CSMD3: variants seen among roughly 807,000 people sequenced by gnomAD.
CSMD3 encodes CUB and Sushi multiple domains 3, also known as CUB and sushi domain-containing protein 3.
Under a neutral mutation model 435.2 loss-of-function variants are expected in CSMD3, and 177 were observed. That is an observed-to-expected ratio of 0.41 (90% CI 0.36 to 0.46). The LOEUF is 0.46. CSMD3 is among the 20% of genes least tolerant of loss of function. The pLI, the probability that CSMD3 is intolerant of heterozygous loss-of-function variation, is 0.34. For missense variants in CSMD3, 4,265 were observed against 4,504.6 expected, an observed-to-expected ratio of 0.95 and a Z score of 1.52; for synonymous variants, 1,656 against 1,520.5, an observed-to-expected ratio of 1.09 and a Z score of -2.07.
chr8:113,394,416 C>T (rs2094474458), intron 1 of CSMD3, among the ~76,000 whole-genome samples: 1 of 151,920 alleles, frequency 6.6e-6, no homozygotes, highest in Non-Finnish European at 1.5e-5. Context: ...TTAGAAAATA[C>T]CAAGTTTGTC....
intron 10 of CSMD3, among the ~76,000 whole-genome samples, chr8:112,879,666 C>A (rs1345592628): frequency 6.6e-6 from 1 of 152,064 alleles, no homozygotes; most frequent in African/African-American, 2.4e-5. Flanking sequence ...TTTAAAATTT[C>A]TCGCTTTTAT....
intron 35 of CSMD3, among the ~76,000 whole-genome samples, chr8:112,393,346 TCA>T: frequency 6.6e-6 from 1 of 152,302 alleles, no homozygotes; most frequent in African/African-American, 2.4e-5. Context: ...TCCCCTTCTC[TCA>T]CCTAGCTAAC....
At chr8:112,356,809 C>T (rs1345931094) in intron 38 of CSMD3, among the ~76,000 whole-genome samples, 1 of 152,138 alleles carries the variant, frequency 6.6e-6, no homozygotes, top group South Asian at 2.1e-4. Context: ...TAAGACAGGA[C>T]TTGCTCTTCC....
chr8:113,219,410 T>A (rs944346756), intron 3 of CSMD3, among the ~76,000 whole-genome samples: 1 of 150,424 alleles, frequency 6.6e-6, no homozygotes, highest in Admixed American at 6.7e-5. Flanking sequence ...CAAAAAAAAA[T>A]ACAGGCACAA....
chr8:112,829,771 C>T lies in CSMD3; in HGVS notation c.1774G>A (p.Glu592Lys). The T allele has an allele frequency of 6.2e-7, 1 of 1,607,508 alleles. No homozygotes were observed. Among genetic ancestry groups the T allele is most frequent in the Non-Finnish European group, 8.5e-7 (1 of 1,174,260 alleles). ...TAGCCAATCTCCAGATCAAATTCTT[C>T]AAAATTTATCTGGATAACCTAGCAG... ...NTNKVIQINF[E>K]EFDLEIGYDT... The change falls in exon 12 of 71, where the codon GAA (glutamate) becomes AAA (lysine). Residue 592 changes from glutamate (E) to lysine (K), a missense_variant. Glu to Lys is a moderately conservative substitution (Grantham distance 56). Around this residue, in one of 3 missense-constraint regions of CSMD3, gnomAD observed 731 missense variants for 755.4 expected, o/e 0.97. Coordinates refer to ENST00000297405, the MANE Select transcript of CSMD3 (RefSeq NM_198123.2).
intron 1 of CSMD3, among the ~76,000 whole-genome samples, chr8:113,434,607 T>C (rs908057484): frequency 6.6e-6 from 1 of 152,170 alleles, no homozygotes. Flanking sequence ...AATAACTTTA[T>C]TGACATTGAA....
chr8:112,683,607 A>C (rs2131793669), intron 15 of CSMD3, among the ~76,000 whole-genome samples: 1 of 152,180 alleles, frequency 6.6e-6, no homozygotes, highest in Non-Finnish European at 1.5e-5. Context: ...CTCTGTATTC[A>C]TCTGAGTGAC....
chr8:113,178,578 T>C (rs547637388), intron 3 of CSMD3, among the ~76,000 whole-genome samples: 9 of 151,972 alleles, frequency 5.9e-5, no homozygotes, highest in African/African-American at 1.9e-4. Context: ...TAAAGGCATA[T>C]AATGGAGAAA....
At chr8:113,010,925 C>T (rs1156075) in intron 6 of CSMD3, among the ~76,000 whole-genome samples, 90,493 of 151,286 alleles carry the variant, frequency 0.6, 28,507 homozygotes, top group East Asian at 0.95. Context: ...AATCCTAAAT[C>T]CTGTGACGAT....
chr8:113,247,565 C>T (rs956331675), intron 3 of CSMD3, among the ~76,000 whole-genome samples: 27 of 151,998 alleles, frequency 1.8e-4, no homozygotes, highest in Non-Finnish European at 1.3e-4. Flanking sequence ...CATTAATTTT[C>T]AGAGATCTGA....
chr8:112,605,398 T>G (rs1389028259), intron 22 of CSMD3, among the ~76,000 whole-genome samples: 1 of 152,136 alleles, frequency 6.6e-6, no homozygotes, highest in East Asian at 1.9e-4. Flanking sequence ...AATAGTGGAC[T>G]GCACAAAGAA....
intron 38 of CSMD3, among the ~76,000 whole-genome samples, chr8:112,368,410 T>A (rs554742677): frequency 6.6e-6 from 1 of 152,192 alleles, no homozygotes; most frequent in African/African-American, 2.4e-5. Context: ...TCATCTGGAG[T>A]TTCTAAAAGA....
intron 1 of CSMD3, among the ~76,000 whole-genome samples, chr8:113,383,177 C>T (rs2094424441): frequency 6.6e-6 from 1 of 151,936 alleles, no homozygotes; most frequent in Non-Finnish European, 1.5e-5. Context: ...TTAAGGAGTT[C>T]AAGTAGCTGT....
chr8:112,449,230 T>C (rs961492754), intron 32 of CSMD3, among the ~76,000 whole-genome samples: 5 of 152,134 alleles, frequency 3.3e-5, no homozygotes, highest in South Asian at 2.1e-4. Flanking sequence ...CATCTTAGCA[T>C]AGGAAATATT....
chr8:113,219,795 A>G (rs1007308141), intron 3 of CSMD3, among the ~76,000 whole-genome samples: 4 of 151,468 alleles, frequency 2.6e-5, no homozygotes, highest in Non-Finnish European at 4.4e-5. Context: ...TATACATTTG[A>G]CCACATAATA....
chr8:112,723,607 G>A (rs2076906731), intron 13 of CSMD3, among the ~76,000 whole-genome samples: 1 of 152,118 alleles, frequency 6.6e-6, no homozygotes, highest in Admixed American at 6.6e-5. Context: ...TGCATTACAT[G>A]TGTTTCAGAA....
chr8:112,380,890 TTC>T (rs949365182), intron 37 of CSMD3, among the ~76,000 whole-genome samples: 10 of 152,168 alleles, frequency 6.6e-5, no homozygotes, highest in South Asian at 2.1e-4. Flanking sequence ...TTACTCTGTA[TTC>T]TCTCTGTTTT....
At chr8:112,448,755 T>TAAAAAA (rs199998820) in intron 32 of CSMD3, among the ~76,000 whole-genome samples, 2 of 127,202 alleles carry the variant, frequency 1.6e-5, no homozygotes, top group Non-Finnish European at 1.6e-5. Flanking sequence ...TACAATCTAT[T>TAAAAAA]AAAAAAAAAA....
At chr8:112,361,572 C>CACATATATAT (rs1827215673) in intron 38 of CSMD3, among the ~76,000 whole-genome samples, 1 of 107,204 alleles carries the variant, frequency 9.3e-6, no homozygotes, top group Non-Finnish European at 1.9e-5. Flanking sequence ...TATACACATA[C>CACATATATAT]ATATATATAT....
Sources: gnomAD v4.1 joint callset for allele counts (sites outside exome capture counted in the v4.1 genomes callset) on GRCh38, gnomAD v4.1.1 for gene constraint, gnomAD v4.1.1 regional missense constraint, MANE v1.5 for transcripts, NCBI Gene and HGNC (gene_info 2026-07-23, HGNC 2026-07-21) for gene names.